The following POLK variants were observed in gnomAD, a reference collection of about 807,000 sequenced individuals.
POLK encodes polymerase (DNA directed) kappa.
Under a neutral mutation model 94.0 loss-of-function variants are expected in POLK, and 76 were observed. That is an observed-to-expected ratio of 0.81 (90% confidence interval 0.67 to 0.98). The LOEUF (loss-of-function observed/expected upper bound fraction) is 0.98. Ranked by LOEUF, POLK falls within the 50% of genes least tolerant of loss-of-function variation. POLK has a pLI of 0.00. For missense variants in POLK, 954 were observed against 1,010.1 expected, an observed-to-expected ratio of 0.94 and a Z score of 0.75; for synonymous variants, 349 against 325.4, an observed-to-expected ratio of 1.07 and a Z score of -0.78.
At chr5:75,579,381 T>C (rs1206378542) in intron 6 of POLK, among the ~76,000 whole-genome samples, 1 of 151,892 alleles carries the variant, frequency 6.6e-6, no homozygotes, top group Non-Finnish European at 1.5e-5. Context: ...TTTTTTTTTA[T>C]TTTTTTGAGA....
rs1274627749 is a variant in POLK at position 75,511,935 on chromosome 5, TC to T, written c.-14+22del. The T allele has an allele frequency of 5.8e-6, 6 of 1,041,648 alleles. No homozygotes were observed. The East Asian group carries it at 1.4e-4, about 24-fold the overall frequency. The allele number at this position is 1,041,648 out of a possible 1,614,324, so 64.5% of individuals were successfully genotyped here. On this transcript the variant is annotated intron_variant, in intron 1 of 14. Coordinates refer to ENST00000241436, the Ensembl canonical transcript of POLK. ...AACGGGTGAGTATCCCGCGCGGGGATCGCTTGTCCCCTTGGGGCCTTGTCAG... is the reference window on the plus strand; with the variant it reads ...AACGGGTGAGTATCCCGCGCGGGGATGCTTGTCCCCTTGGGGCCTTGTCAG...
At chr5:75,538,874 A>C (rs1358306783) in intron 1 of POLK, among the ~76,000 whole-genome samples, 1 of 152,068 alleles carries the variant, frequency 6.6e-6, no homozygotes, top group East Asian at 1.9e-4. Context: ...AAGTTCAAGC[A>C]ATTCTCCTGC....
At chr5:75,564,199 G>A (rs1450090722) in intron 3 of POLK, among the ~76,000 whole-genome samples, 2 of 151,746 alleles carry the variant, frequency 1.3e-5, no homozygotes, top group East Asian at 1.9e-4. Flanking sequence ...CTGTTTTATC[G>A]GAGACTGGGA....
chr5:75,587,548 T>A (rs1772535027), intron 10 of POLK, among the ~76,000 whole-genome samples: 1 of 152,188 alleles, frequency 6.6e-6, no homozygotes, highest in East Asian at 1.9e-4. Flanking sequence ...AACTTACCGT[T>A]TGGGGAAATA....
chr5:75,511,243 C>T (rs763964838), upstream of POLK: 1 of 1,607,762 alleles, frequency 6.2e-7, no homozygotes, highest in Non-Finnish European at 8.5e-7. Flanking sequence ...CCGGCCCCCG[C>T]TCCCTCAGCT....
chr5:75,516,006 T>C (rs987518981), intron 1 of POLK, among the ~76,000 whole-genome samples: 1 of 152,230 alleles, frequency 6.6e-6, no homozygotes, highest in African/African-American at 2.4e-5. Context: ...TTTTTTAATT[T>C]ACCTGTTGGC....
chr5:75,604,049 T>A (rs1773361158), downstream of POLK, among the ~76,000 whole-genome samples: 1 of 152,160 alleles, frequency 6.6e-6, no homozygotes, highest in South Asian at 2.1e-4. Context: ...CGGAGAGTCA[T>A]TTGTTGACAT....
chr5:75,576,843 T>A (rs371468039), exon 6 of POLK: 3 of 1,565,030 alleles, frequency 1.9e-6, no homozygotes, highest in Non-Finnish European at 2.6e-6. Context: ...TGAAGCCTAC[T>A]TGAATATAAC....
At chr5:75,577,732 A>G (rs934130765) in intron 6 of POLK, among the ~76,000 whole-genome samples, 2 of 152,196 alleles carry the variant, frequency 1.3e-5, no homozygotes, top group Non-Finnish European at 2.9e-5. Context: ...TGAAGCAAAA[A>G]TGGTAGATCC....
chr5:75,525,869 G>A (rs374496860), intron 1 of POLK, among the ~76,000 whole-genome samples: 1 of 152,146 alleles, frequency 6.6e-6, no homozygotes, highest in East Asian at 1.9e-4. Flanking sequence ...TTAAGAATGC[G>A]GGCTCCGGAG....
chr5:75,593,262 G>A (rs1047275426), intron 11 of POLK, among the ~76,000 whole-genome samples: 7 of 151,650 alleles, frequency 4.6e-5, no homozygotes, highest in South Asian at 2.1e-4. Context: ...CTCCCCAGCC[G>A]CTGGGATTAC....
At chr5:75,607,345 G>A in the POLK span, among the ~76,000 whole-genome samples, 1 of 151,990 alleles carries the variant, frequency 6.6e-6, no homozygotes, top group Non-Finnish European at 1.5e-5. Flanking sequence ...GCACACACTT[G>A]TGATCCCAGC....
rs528839357 is a variant in POLK, at chr5:75,583,406, C to G, written c.1048C>G (p.Pro350Ala). The G allele has an allele frequency of 4.2e-5, 67 of 1,596,212 alleles. No individual in the cohort carries two copies. The East Asian group carries it at 1.3e-3, about 32-fold the overall frequency. The change falls in exon 8 of 15, where the codon CCC becomes GCC. Residue 350 changes from proline to alanine, a missense_variant. By Grantham distance (27) the Pro-to-Ala change is conservative. Transcript: ENST00000241436. ...TGTGATGGACTTCATCAAGGATTTA[C>G]CCATTAGAAAGGTAAGATTTTTACA...
Position 75,546,402 on chromosome 5 carries a change from A to C in POLK, c.-13-608A>C, listed in dbSNP as rs5744589. ...TTGGTCTTTCTGTCTTGAGGGTGGC[A>C]GAAACGGAAGAAATTCAAATATAAG... On this transcript the variant is annotated intron_variant, in intron 1 of 14. Transcript: ENST00000241436. 4.4e-3 allele frequency among the ~76,000 whole-genome samples: 663 copies of C among 152,286 alleles called. 7 individuals carry two copies. The highest frequency in any genetic ancestry group is 0.016 in the African/African-American group (646 of 41,550).
At chr5:75,569,892 C>T (rs1181480632) in intron 4 of POLK, among the ~76,000 whole-genome samples, 4 of 152,176 alleles carry the variant, frequency 2.6e-5, no homozygotes, top group Non-Finnish European at 5.9e-5. Context: ...AGGTTACATA[C>T]TCATTATGAG....
chr5:75,546,463 G>A (rs957545580), intron 1 of POLK, among the ~76,000 whole-genome samples: 111 of 152,044 alleles, frequency 7.3e-4, no homozygotes, highest in African/African-American at 2.7e-3. Context: ...TTGTCTAAGA[G>A]TCACCTGTAA....
intron 3 of POLK, among the ~76,000 whole-genome samples, chr5:75,557,219 C>T (rs1487100326): frequency 2.6e-5 from 4 of 152,226 alleles, no homozygotes; most frequent in Non-Finnish European, 4.4e-5. Context: ...ACCACACTCT[C>T]TTAATTACTG....
At chr5:75,532,764 T>C (rs1668305736) in intron 1 of POLK, among the ~76,000 whole-genome samples, 1 of 152,240 alleles carries the variant, frequency 6.6e-6, no homozygotes, top group African/African-American at 2.4e-5. Flanking sequence ...TTTTTGATTT[T>C]TTAAAAATCA....
At chr5:75,537,345 G>T (rs1275551166) in intron 1 of POLK, among the ~76,000 whole-genome samples, 2 of 152,216 alleles carry the variant, frequency 1.3e-5, no homozygotes, top group African/African-American at 4.8e-5. Context: ...TGTGGAAAGT[G>T]TGAATCCCCC....
Sources: gnomAD v4.1 joint callset for allele counts (sites outside exome capture counted in the v4.1 genomes callset) on GRCh38, gnomAD v4.1.1 for gene constraint, MANE v1.5 for transcripts, NCBI Gene and HGNC (gene_info 2026-07-23, HGNC 2026-07-21) for gene names.